Variants in SLIT1 observed in about 807,000 individuals in gnomAD.
The protein encoded by SLIT1 is slit homolog 1 protein.
A neutral mutation model predicts 186.1 loss-of-function variants in SLIT1; 66 were observed. That is an observed-to-expected ratio of 0.35 (90% CI 0.29 to 0.44). The LOEUF (loss-of-function observed/expected upper bound fraction) is 0.44, where lower values mean the gene tolerates loss of function less well. SLIT1 is among the 20% of genes least tolerant of loss of function. The pLI, the probability that SLIT1 is intolerant of heterozygous loss-of-function variation, is 1.00. For missense variants in SLIT1, 1,638 were observed against 2,037.4 expected, an observed-to-expected ratio of 0.80 and a Z score of 3.77; for synonymous variants, 761 against 833.8, an observed-to-expected ratio of 0.91 and a Z score of 1.50.
intron 26 of SLIT1, among the ~76,000 whole-genome samples, chr10:97,019,761 C>T (rs1848486843): frequency 6.6e-6 from 1 of 152,114 alleles, no homozygotes; most frequent in African/African-American, 2.4e-5. Context: ...GGGACACCAC[C>T]CGTAAGGGGC....
intron 21 of SLIT1, 107 bp from the exon 22 acceptor site, chr10:97,037,873 C>G: frequency 6.1e-6 from 5 of 823,918 alleles, no homozygotes; most frequent in Non-Finnish European, 9.8e-6. Context: ...ATTTCCTCTC[C>G]TCCACATAGG....
chr10:97,020,807 A>G (rs957021808), intron 26 of SLIT1, among the ~76,000 whole-genome samples: 7 of 152,250 alleles, frequency 4.6e-5, no homozygotes, highest in Non-Finnish European at 1.0e-4. Flanking sequence ...GTCCCGGGGC[A>G]AAGCCGGAAC....
chr10:97,171,479 A>T (rs573798792), intron 1 of SLIT1, among the ~76,000 whole-genome samples: 1 of 152,226 alleles, frequency 6.6e-6, no homozygotes, highest in East Asian at 1.9e-4. Flanking sequence ...GTTACTCCCC[A>T]CTTAAAGCCT....
At chr10:97,109,293 C>T (rs1182434030) in intron 4 of SLIT1, among the ~76,000 whole-genome samples, 1 of 152,062 alleles carries the variant, frequency 6.6e-6, no homozygotes, top group East Asian at 1.9e-4. Context: ...TAGTAAGTCA[C>T]AATAAATACA....
chr10:97,063,355 G>C, intron 8 of SLIT1, 100 bp downstream of exon 8: 1 of 1,344,872 alleles, frequency 7.4e-7, no homozygotes, highest in East Asian at 2.3e-5. Flanking sequence ...GTCAGGAGGT[G>C]ATGGGCAGGC....
intron 25 of SLIT1, among the ~76,000 whole-genome samples, chr10:97,027,927 C>T (rs1431108489): frequency 6.6e-6 from 1 of 152,090 alleles, no homozygotes; most frequent in Non-Finnish European, 1.5e-5. Context: ...GGCGGAAATG[C>T]AAAGGTGTAA....
intron 28 of SLIT1, among the ~76,000 whole-genome samples, chr10:97,015,062 T>A (rs1196836257): frequency 1.3e-5 from 2 of 152,118 alleles, no homozygotes; most frequent in African/African-American, 4.8e-5. Context: ...CACCCAAGGT[T>A]TTCCAAGGGG....
At chr10:97,170,262 C>T (rs1850170258) in intron 1 of SLIT1, among the ~76,000 whole-genome samples, 1 of 152,254 alleles carries the variant, frequency 6.6e-6, no homozygotes, top group Non-Finnish European at 1.5e-5. Context: ...TTCTGTGCCT[C>T]AGTTTCTCCA....
Position 97,064,238 on chromosome 10 carries a change from T to C in SLIT1, c.559A>G (p.Thr187Ala). 6.2e-7 allele frequency: 1 copy of C among 1,613,512 alleles called. No homozygotes were observed. The highest frequency in any genetic ancestry group is 8.5e-7 in the Non-Finnish European group (1 of 1,179,760). Residue 187 changes from threonine (T) to alanine (A), a missense_variant and splice_region_variant, in exon 7 of 37, where the codon ACC (threonine) becomes GCC (alanine). By Grantham distance (58) the Thr-to-Ala change is moderately conservative. This residue lies in a region of SLIT1 where 1,245 missense variants were observed against 1,535.3 expected (regional missense o/e 0.81). Coordinates refer to ENST00000266058, the MANE Select transcript of SLIT1 (RefSeq NM_003061.3). ...FRALRGLEVLTLNNNNITTIP... is the reference protein window; with the variant it reads ...FRALRGLEVLALNNNNITTIP... ...GTGGTGATATTGTTGTTGTTCAGGG[T>C]CCTAAATGGGAAAAACCAGAGTCAT...
At chr10:97,137,405 C>T (rs1204914293) in intron 4 of SLIT1, among the ~76,000 whole-genome samples, 1 of 152,146 alleles carries the variant, frequency 6.6e-6, no homozygotes, top group African/African-American at 2.4e-5. Flanking sequence ...TTTGCTCTAA[C>T]ATATTCTAAA....
At chr10:97,095,026 T>C (rs2861829) in intron 4 of SLIT1, among the ~76,000 whole-genome samples, 27,550 of 152,110 alleles carry the variant, frequency 0.18, 2,878 homozygotes, top group African/African-American at 0.29. Context: ...CTCATGCCTA[T>C]AATCCCAGCA....
intron 4 of SLIT1, among the ~76,000 whole-genome samples, chr10:97,146,749 C>G (rs1252058351): frequency 6.6e-6 from 1 of 152,200 alleles, no homozygotes; most frequent in Non-Finnish European, 1.5e-5. Flanking sequence ...ACCCATAGAG[C>G]CCCAAGCCCT....
chr10:97,064,352 G>T, intron 6 of SLIT1, 113 bp from the exon 7 acceptor site: 1 of 832,088 alleles, frequency 1.2e-6, no homozygotes. Context: ...ACCAGCACGG[G>T]GCTGGACATG....
At chr10:97,130,641 C>T (rs540166491) in intron 4 of SLIT1, among the ~76,000 whole-genome samples, 1 of 152,304 alleles carries the variant, frequency 6.6e-6, no homozygotes, top group South Asian at 2.1e-4. Flanking sequence ...CCTGGCTCTT[C>T]TTCTTTCTAA....
At chr10:97,047,589 C>G in intron 16 of SLIT1, 101 bp downstream of exon 16, 1 of 1,238,546 alleles carries the variant, frequency 8.1e-7, no homozygotes, top group Non-Finnish European at 1.1e-6. Flanking sequence ...TCCAGTGGTT[C>G]AGCCCCAGAC....
intron 4 of SLIT1, among the ~76,000 whole-genome samples, chr10:97,098,642 C>T (rs1265582336): frequency 6.6e-6 from 1 of 152,184 alleles, no homozygotes; most frequent in African/African-American, 2.4e-5. Flanking sequence ...GGAACTTGAA[C>T]CCACAGCCAC....
In SLIT1 at chr10:97,002,985, G is replaced by A. The variant is rs778621321; in HGVS notation, c.3873C>T (p.Pro1291=). 12 of 1,613,008 alleles carry A rather than the reference G, an allele frequency of 7.4e-6. No homozygotes were observed. The highest frequency in any genetic ancestry group is 2.2e-5 in the South Asian group (2 of 90,966). ...SEAPLYVGGM[P]VDVNSAAFRL... ...GGAAGGCAGCTGAGTTGACATCCAC[G>A]GGCATCCCTGGGGTAGGGGAGGGAG... Residue 1291 remains proline (P), a synonymous_variant, in exon 35 of 37, where the codon CCC becomes CCT. Coordinates refer to ENST00000266058, the MANE Select transcript of SLIT1 (RefSeq NM_003061.3).
At chr10:97,166,232 C>T (rs115939178) in intron 1 of SLIT1, among the ~76,000 whole-genome samples, 3,238 of 151,938 alleles carry the variant, frequency 0.021, 103 homozygotes, top group African/African-American at 0.072. Flanking sequence ...GTGTTTGGTC[C>T]GGCCTGGTGT....
intron 21 of SLIT1, 115 bp downstream of exon 21, chr10:97,039,873 G>T: frequency 8.4e-7 from 1 of 1,196,732 alleles, no homozygotes; most frequent in Non-Finnish European, 1.2e-6. Context: ...GTCAGCTAAT[G>T]CCTGCTCTTG....
Sources: gnomAD v4.1 joint callset for allele counts (sites outside exome capture counted in the v4.1 genomes callset) on GRCh38, gnomAD v4.1.1 for gene constraint, gnomAD v4.1.1 regional missense constraint, MANE v1.5 for transcripts, NCBI Gene and HGNC (gene_info 2026-07-23, HGNC 2026-07-21) for gene names.